Variants in ACTR3 observed in about 807,000 individuals in gnomAD.
The protein encoded by ACTR3 is actin-related protein 3.
Under a neutral mutation model 56.8 loss-of-function variants are expected in ACTR3, and 12 were observed. That is an observed-to-expected ratio of 0.21 (90% confidence interval 0.14 to 0.34). ACTR3 has a LOEUF of 0.34. Ranked by LOEUF, ACTR3 falls within the 10% of genes least tolerant of loss-of-function variation. The pLI is 1.00. For missense variants in ACTR3, 282 were observed against 512.5 expected (o/e 0.55, Z 4.34); for synonymous variants, 162 against 167.4 (o/e 0.97, Z 0.25).
At chr2:113,895,058 T>TC (rs1678980179) in intron 1 of ACTR3, among the ~76,000 whole-genome samples, 1 of 100,140 alleles carries the variant, frequency 1.0e-5, no homozygotes, top group East Asian at 4.1e-4. Flanking sequence ...TTGGTTTAGG[T>TC]TCCCCCCCCC....
chr2:113,938,855 T>G (rs1679874669), intron 6 of ACTR3, among the ~76,000 whole-genome samples: 1 of 152,166 alleles, frequency 6.6e-6, no homozygotes, highest in Non-Finnish European at 1.5e-5. Flanking sequence ...TTAAATTCTA[T>G]ATCCCTAACT....
chr2:113,944,914 A>G (rs554456803), intron 8 of ACTR3, among the ~76,000 whole-genome samples: 40 of 152,288 alleles, frequency 2.6e-4, no homozygotes, highest in Admixed American at 1.6e-3. Context: ...TAGTTGTGCA[A>G]TAGTGTCCTC....
At chr2:113,924,222 A>G (rs1420671744) in intron 3 of ACTR3, among the ~76,000 whole-genome samples, 1 of 151,504 alleles carries the variant, frequency 6.6e-6, no homozygotes, top group East Asian at 1.9e-4. Context: ...GGTGTGTGCC[A>G]CCACACCTGG....
chr2:113,892,450 A>C (rs1041677319), intron 1 of ACTR3, among the ~76,000 whole-genome samples: 11 of 152,200 alleles, frequency 7.2e-5, no homozygotes, highest in African/African-American at 2.7e-4. Context: ...CATTTGTCAC[A>C]ATCTGAAATT....
Position 113,934,407 on chromosome 2 carries a change from C to T in ACTR3, c.540+21C>T, listed in dbSNP as rs1246718217. ...CTGTGGTAAGGCTATTTTACAGTTA[C>T]TGAACAGAACATGAAATAACACATC... On this transcript the variant is annotated intron_variant, in intron 6 of 11. Transcript: ENST00000263238. The T allele has an allele frequency of 2.8e-6, 4 of 1,416,108 alleles. No homozygotes were observed. The South Asian group carries it at 5.1e-5, about 18-fold the overall frequency. 87.7% of individuals were successfully genotyped at this position (1,416,108 alleles called of 1,614,324 possible).
intron 1 of ACTR3, among the ~76,000 whole-genome samples, chr2:113,894,880 T>G (rs1246994339): frequency 3.9e-5 from 6 of 152,236 alleles, no homozygotes; most frequent in Non-Finnish European, 8.8e-5. Context: ...GTGTTCTTTC[T>G]GTTAACACTC....
intron 3 of ACTR3, among the ~76,000 whole-genome samples, chr2:113,924,097 C>T (rs1679572628): frequency 6.7e-6 from 1 of 149,612 alleles, no homozygotes; most frequent in Non-Finnish European, 1.5e-5. Context: ...CCCTGTTGCC[C>T]ATGTTGGAAT....
intron 5 of ACTR3, among the ~76,000 whole-genome samples, chr2:113,931,857 C>T (rs1327370298): frequency 2.0e-5 from 3 of 150,424 alleles, no homozygotes; most frequent in African/African-American, 7.3e-5. Flanking sequence ...GGAACAGCTT[C>T]TCTCCCACCC....
chr2:113,891,238 T>G (rs1306149039), intron 1 of ACTR3, among the ~76,000 whole-genome samples: 3 of 152,190 alleles, frequency 2.0e-5, no homozygotes, highest in Non-Finnish European at 4.4e-5. Context: ...GGAAGCACCC[T>G]GGAAAATAAA....
chr2:113,939,807 C>G, intron 6 of ACTR3, 152 bp from the exon 7 acceptor site: 1 of 544,022 alleles, frequency 1.8e-6, no homozygotes, highest in Non-Finnish European at 3.0e-6. Flanking sequence ...GTTATAGTTT[C>G]TGAGGAATAA....
intron 3 of ACTR3, among the ~76,000 whole-genome samples, chr2:113,923,351 T>TTTG (rs1377910728): frequency 3.1e-5 from 4 of 129,070 alleles, no homozygotes; most frequent in African/African-American, 1.1e-4. Context: ...TGTTTGTTTG[T>TTTG]TTTTGAGACG....
At position 113,942,507 on chromosome 2, in the gene ACTR3, T is replaced by C. The variant is rs185725146; in HGVS notation, c.858+148T>C. The C allele has an allele frequency of 2.1e-5, 13 of 607,984 alleles. 1 individual carries two copies. The East Asian group carries it at 4.3e-4, about 20-fold the overall frequency. 37.7% of individuals were successfully genotyped at this position (607,984 alleles called of 1,614,324 possible). ...AGTTTATAAAACATTTTATGAACTTTTTAAAGAAAAAATTTGCTTTTGTTA... is the reference window on the plus strand; with the variant it reads ...AGTTTATAAAACATTTTATGAACTTCTTAAAGAAAAAATTTGCTTTTGTTA... On this transcript the variant is annotated intron_variant, in intron 8 of 11. Transcript: ENST00000263238.
chr2:113,896,371 G>C (rs921452915), intron 1 of ACTR3, among the ~76,000 whole-genome samples: 1 of 152,120 alleles, frequency 6.6e-6, no homozygotes, highest in Non-Finnish European at 1.5e-5. Context: ...ACAGTTCTCT[G>C]CACAGTCAAA....
intron 1 of ACTR3, among the ~76,000 whole-genome samples, chr2:113,909,062 T>A (rs551633487): frequency 6.6e-6 from 1 of 152,328 alleles, no homozygotes; most frequent in South Asian, 2.1e-4. Flanking sequence ...AGACTTTACA[T>A]GATTTAGTTC....
chr2:113,933,032 A>G (rs1265164608), intron 5 of ACTR3, among the ~76,000 whole-genome samples: 1 of 152,216 alleles, frequency 6.6e-6, no homozygotes, highest in Non-Finnish European at 1.5e-5. Context: ...TTTTTTAAAA[A>G]ATGAACTATG....
intron 5 of ACTR3, 44 bp downstream of exon 5, chr2:113,931,440 C>A: frequency 7.3e-7 from 1 of 1,368,908 alleles, no homozygotes; most frequent in Non-Finnish European, 9.9e-7. Flanking sequence ...TACATTTTAA[C>A]CTAGTTTAAT....
intron 1 of ACTR3, among the ~76,000 whole-genome samples, chr2:113,909,804 C>T (rs1679269476): frequency 6.6e-6 from 1 of 151,954 alleles, no homozygotes; most frequent in Non-Finnish European, 1.5e-5. Flanking sequence ...CTTTAATATT[C>T]AGCTGAAGGA....
At chr2:113,893,482 TG>T (rs1421165705) in intron 1 of ACTR3, among the ~76,000 whole-genome samples, 3 of 152,128 alleles carry the variant, frequency 2.0e-5, no homozygotes, top group Non-Finnish European at 4.4e-5. Context: ...TTAGTAGAGA[TG>T]GGGTTTCACC....
chr2:113,908,312 A>G (rs1457175240), intron 1 of ACTR3, among the ~76,000 whole-genome samples: 1 of 151,590 alleles, frequency 6.6e-6, no homozygotes, highest in East Asian at 1.9e-4. Flanking sequence ...CTTGTACAAA[A>G]TTTCTTCTTT....
Sources: allele counts gnomAD v4.1 joint callset (sites outside exome capture counted in the v4.1 genomes callset), GRCh38; gene constraint gnomAD v4.1.1; transcripts MANE v1.5; gene names NCBI Gene and HGNC (gene_info 2026-07-23, HGNC 2026-07-21).